ADGRL3: variants seen among roughly 807,000 people sequenced by gnomAD.
ADGRL3 encodes the protein calcium-independent alpha-latrotoxin receptor 3.
ADGRL3 carries 62 observed loss-of-function variants against 153.5 expected under a neutral mutation model. That is an observed-to-expected ratio of 0.40 (90% CI 0.33 to 0.50). ADGRL3 has a LOEUF of 0.50. Among genes scored for constraint, ADGRL3 ranks in the 20% least tolerant of loss-of-function variants. ADGRL3 has a pLI of 0.47. For synonymous variants in ADGRL3, 710 were observed against 672.5 expected (o/e 1.06, Z -0.86); for missense variants, 1,641 against 1,859.4 (o/e 0.88, Z 2.16).
chr4:61,741,463 T>G (rs1270200671), intron 8 of ADGRL3, among the ~76,000 whole-genome samples: 1 of 152,212 alleles, frequency 6.6e-6, no homozygotes, highest in Non-Finnish European at 1.5e-5. Context: ...GAGCCCCTTC[T>G]TTTTCTTTCC....
At chr4:61,434,593 G>C (rs923446789) in intron 2 of ADGRL3, among the ~76,000 whole-genome samples, 4 of 145,306 alleles carry the variant, frequency 2.8e-5, no homozygotes, top group Admixed American at 2.2e-4. Context: ...CTTTATCAAT[G>C]CTTGCTTAAT....
chr4:61,429,673 A>C (rs960105482), intron 2 of ADGRL3, among the ~76,000 whole-genome samples: 1 of 152,118 alleles, frequency 6.6e-6, no homozygotes, highest in South Asian at 2.1e-4. Flanking sequence ...CATTTTTTGT[A>C]GGCATTGTGA....
At chr4:61,330,711 A>G (rs920073118) in intron 1 of ADGRL3, among the ~76,000 whole-genome samples, 2 of 152,118 alleles carry the variant, frequency 1.3e-5, no homozygotes, top group Admixed American at 1.3e-4. Flanking sequence ...GAAAGAACAA[A>G]GCTTCCACTG....
At chr4:61,222,149 C>T (rs1298075537) in intron 1 of ADGRL3, among the ~76,000 whole-genome samples, 3 of 151,924 alleles carry the variant, frequency 2.0e-5, no homozygotes, top group East Asian at 1.9e-4. Context: ...ATTGAGATGC[C>T]TTGTTAAGAT....
At chr4:61,651,598 T>G (rs1002566241) in intron 5 of ADGRL3, among the ~76,000 whole-genome samples, 1 of 151,590 alleles carries the variant, frequency 6.6e-6, no homozygotes, top group African/African-American at 2.4e-5. Flanking sequence ...GTGTTTGTTT[T>G]GTTTTTGTTT....
intron 2 of ADGRL3, among the ~76,000 whole-genome samples, chr4:61,433,189 A>G (rs1401701505): frequency 6.6e-6 from 1 of 152,114 alleles, no homozygotes; most frequent in East Asian, 1.9e-4. Context: ...GTCAGACCAT[A>G]ATAGATTGCT....
At chr4:62,014,863 T>TC (rs1011418783) in intron 21 of ADGRL3, among the ~76,000 whole-genome samples, 193 of 152,288 alleles carry the variant, frequency 1.3e-3, no homozygotes, top group African/African-American at 4.5e-3. Flanking sequence ...CTTATCAGTT[T>TC]CCCCAATTCC....
At chr4:61,867,243 A>C (rs1389691934) in intron 9 of ADGRL3, among the ~76,000 whole-genome samples, 1 of 151,968 alleles carries the variant, frequency 6.6e-6, no homozygotes, top group African/African-American at 2.4e-5. Flanking sequence ...TCATGCCTGT[A>C]ACCACAGCAC....
intron 9 of ADGRL3, among the ~76,000 whole-genome samples, chr4:61,878,537 G>T (rs370562307): frequency 6.6e-6 from 1 of 152,294 alleles, no homozygotes; most frequent in East Asian, 1.9e-4. Flanking sequence ...TATTGTAGTA[G>T]AACAGACATA....
intron 1 of ADGRL3, among the ~76,000 whole-genome samples, chr4:61,292,088 G>A (rs1488723266): frequency 6.6e-6 from 1 of 151,462 alleles, no homozygotes; most frequent in Admixed American, 6.6e-5. Context: ...CTCATTGATG[G>A]TATAAGGTTT....
intron 9 of ADGRL3, among the ~76,000 whole-genome samples, chr4:61,825,852 A>G (rs2097795409): frequency 6.6e-6 from 1 of 152,206 alleles, no homozygotes; most frequent in Non-Finnish European, 1.5e-5. Flanking sequence ...ATGTCATAAA[A>G]TTGCTCTGGG....
chr4:61,857,072 C>G (rs936835893), intron 9 of ADGRL3, among the ~76,000 whole-genome samples: 1 of 148,274 alleles, frequency 6.7e-6, no homozygotes, highest in Admixed American at 6.8e-5. Context: ...CTCTCTCTTT[C>G]TTTCTTTCTT....
intron 1 of ADGRL3, among the ~76,000 whole-genome samples, chr4:61,276,284 A>G (rs990132479): frequency 2.6e-5 from 4 of 152,172 alleles, no homozygotes; most frequent in African/African-American, 4.8e-5. Flanking sequence ...TATGTCAGCC[A>G]TAAGTCTAGA....
At chr4:61,642,372 T>C (rs2093722321) in intron 5 of ADGRL3, among the ~76,000 whole-genome samples, 1 of 152,196 alleles carries the variant, frequency 6.6e-6, no homozygotes, top group South Asian at 2.1e-4. Flanking sequence ...CATGCCTATG[T>C]CCTGAATGGT....
chr4:61,393,265 T>C (rs1444547521), intron 2 of ADGRL3, among the ~76,000 whole-genome samples: 1 of 152,118 alleles, frequency 6.6e-6, no homozygotes, highest in Non-Finnish European at 1.5e-5. Context: ...GTATACTCTG[T>C]CAGAAGTCAA....
At chr4:61,581,101 A>T (rs2098922907) in intron 4 of ADGRL3, among the ~76,000 whole-genome samples, 1 of 152,104 alleles carries the variant, frequency 6.6e-6, no homozygotes, top group South Asian at 2.1e-4. Context: ...GGAGCAATTT[A>T]TAGCAAAGAA....
chr4:61,832,727 G>C (rs562611606), intron 9 of ADGRL3, among the ~76,000 whole-genome samples: 108 of 151,876 alleles, frequency 7.1e-4, no homozygotes, highest in African/African-American at 2.5e-3. Flanking sequence ...CTGAAACCTT[G>C]TTGGAAAACC....
intron 17 of ADGRL3, among the ~76,000 whole-genome samples, chr4:61,966,335 A>G (rs1334027565): frequency 6.6e-6 from 1 of 152,136 alleles, no homozygotes; most frequent in East Asian, 1.9e-4. Context: ...ATAAAAAATT[A>G]CCTTCTCCTT....
At chr4:61,286,637 ATAAT>A (rs1281228803) in intron 1 of ADGRL3, among the ~76,000 whole-genome samples, 1 of 151,772 alleles carries the variant, frequency 6.6e-6, no homozygotes, top group Non-Finnish European at 1.5e-5. Context: ...ATTAAATATA[ATAAT>A]TCAGTTTGAC....
Sources: gnomAD v4.1 joint callset for allele counts (sites outside exome capture counted in the v4.1 genomes callset) on GRCh38, gnomAD v4.1.1 for gene constraint, MANE v1.5 for transcripts, NCBI Gene and HGNC (gene_info 2026-07-23, HGNC 2026-07-21) for gene names.